Variants in FRMD6 observed in about 807,000 individuals in gnomAD.
FRMD6 encodes FERM domain containing 6.
Under a neutral mutation model 73.2 loss-of-function variants are expected in FRMD6, and 37 were observed. The ratio of observed to expected loss-of-function variants is 0.51; its 90% CI spans 0.39 to 0.66. The LOEUF is 0.66. Among genes scored for constraint, FRMD6 ranks in the 30% least tolerant of loss-of-function variants. The pLI, the probability that FRMD6 is intolerant of heterozygous loss-of-function variation, is 0.00. For synonymous variants in FRMD6, 273 were observed against 282.2 expected, an observed-to-expected ratio of 0.97 and a Z score of 0.33; for missense variants, 714 against 780.5, an observed-to-expected ratio of 0.91 and a Z score of 1.02.
At chr14:51,614,563 G>A (rs1278678237) in intron 2 of FRMD6, among the ~76,000 whole-genome samples, 2 of 152,098 alleles carry the variant, frequency 1.3e-5, no homozygotes, top group Non-Finnish European at 2.9e-5. Flanking sequence ...ATTTTTAATT[G>A]TTTTTTGTGG....
chr14:51,597,542 G>A (rs188458110), intron 2 of FRMD6, among the ~76,000 whole-genome samples: 2 of 152,188 alleles, frequency 1.3e-5, no homozygotes, highest in African/African-American at 2.4e-5. Context: ...AATGTGTAAC[G>A]AGGAAAGGCA....
chr14:51,667,376 T>C (rs1245295818), intron 1 of FRMD6, among the ~76,000 whole-genome samples: 1 of 152,128 alleles, frequency 6.6e-6, no homozygotes, highest in Non-Finnish European at 1.5e-5. Flanking sequence ...AATGAAGTAA[T>C]ATGGTATCCT....
chr14:51,397,896 T>C, the FRMD6 span, among the ~76,000 whole-genome samples: 1 of 152,220 alleles, frequency 6.6e-6, no homozygotes, highest in Non-Finnish European at 1.5e-5. Context: ...CCATCCCTGA[T>C]ATATCTCAAG....
At chr14:51,550,248 T>A (rs1886735525) in intron 1 of FRMD6, among the ~76,000 whole-genome samples, 1 of 150,580 alleles carries the variant, frequency 6.6e-6, no homozygotes, top group African/African-American at 2.4e-5. Context: ...ATTTTTTTAA[T>A]TTTTTGTTTA....
chr14:51,439,414 C>T, the FRMD6 span, among the ~76,000 whole-genome samples: 1 of 152,208 alleles, frequency 6.6e-6, no homozygotes, highest in African/African-American at 2.4e-5. Flanking sequence ...ATGCATATGT[C>T]TCAAACTCTA....
At chr14:51,480,402 T>C in the FRMD6 span, among the ~76,000 whole-genome samples, 1 of 152,216 alleles carries the variant, frequency 6.6e-6, no homozygotes, top group Admixed American at 6.5e-5. Context: ...GGAAAGAATA[T>C]GAAGAGAGGA....
chr14:51,632,179 T>C (rs1167506415), intron 2 of FRMD6, among the ~76,000 whole-genome samples: 1 of 152,178 alleles, frequency 6.6e-6, no homozygotes, highest in Non-Finnish European at 1.5e-5. Flanking sequence ...TGTGTTTGCT[T>C]CCCCTTCTGC....
intron 1 of FRMD6, among the ~76,000 whole-genome samples, chr14:51,533,366 A>G (rs1885697708): frequency 6.6e-6 from 1 of 152,210 alleles, no homozygotes; most frequent in African/African-American, 2.4e-5. Flanking sequence ...GCCTTTAAAA[A>G]AAGCTGGATA....
In FRMD6 at chr14:51,628,907, C is replaced by T. The variant is rs1160051255; in HGVS notation, c.-147+58497C>T. 1.6e-3 allele frequency among the ~76,000 whole-genome samples: 188 copies of T among 117,332 alleles called. 1 individual carries two copies. Among genetic ancestry groups the T allele is most frequent in the African/African-American group, 5.8e-3 (182 of 31,234 alleles). 77.0% of individuals were successfully genotyped at this position (117,332 alleles called of 152,430 possible). A position where few individuals can be genotyped will look rare whatever the true frequency, so the allele number is the denominator to read the frequency against. ...TTTTTTTTTTTTTGAGACGGAGTCT[C>T]GCTCCGTTTTCCAGGCTGGAGTGCA... On this transcript the variant is annotated intron_variant, in intron 2 of 14. Transcript: ENST00000356218.
the FRMD6 span, among the ~76,000 whole-genome samples, chr14:51,424,785 G>A: frequency 6.6e-6 from 1 of 152,172 alleles, no homozygotes; most frequent in Non-Finnish European, 1.5e-5. Context: ...CAAAGCTTAT[G>A]GGAAAAGAAA....
chr14:51,617,845 A>C (rs1243643530), intron 2 of FRMD6, among the ~76,000 whole-genome samples: 2 of 152,216 alleles, frequency 1.3e-5, no homozygotes, highest in Non-Finnish European at 2.9e-5. Context: ...GGATAAAATC[A>C]TCTGGTCAAT....
intron 1 of FRMD6, among the ~76,000 whole-genome samples, chr14:51,667,456 C>T (rs778546701): frequency 5.9e-5 from 9 of 152,046 alleles, no homozygotes; most frequent in Non-Finnish European, 1.3e-4. Flanking sequence ...TGTGTGGTTG[C>T]GTATGTTTTA....
At chr14:51,720,731 G>A (rs969913406) in intron 11 of FRMD6, among the ~76,000 whole-genome samples, 3 of 152,198 alleles carry the variant, frequency 2.0e-5, no homozygotes, top group Admixed American at 6.5e-5. Flanking sequence ...ACAGTGGAGT[G>A]CAGTAATAGT....
At chr14:51,482,737 G>C in the FRMD6 span, among the ~76,000 whole-genome samples, 1 of 151,990 alleles carries the variant, frequency 6.6e-6, no homozygotes, top group East Asian at 1.9e-4. Context: ...GTCTGGCACT[G>C]TCGCCTGGAC....
At chr14:51,637,147 G>A (rs2140007929) in intron 2 of FRMD6, among the ~76,000 whole-genome samples, 1 of 152,198 alleles carries the variant, frequency 6.6e-6, no homozygotes, top group Admixed American at 6.5e-5. Context: ...GCTTGAGCCT[G>A]GGAGGTCAAG....
chr14:51,523,281 C>T (rs1262737404), intron 1 of FRMD6, among the ~76,000 whole-genome samples: 1 of 151,902 alleles, frequency 6.6e-6, no homozygotes, highest in East Asian at 1.9e-4. Context: ...CTCTTCTGAA[C>T]AGAATGATTT....
intron 2 of FRMD6, among the ~76,000 whole-genome samples, chr14:51,572,417 A>T (rs1021762836): frequency 1.3e-5 from 2 of 152,260 alleles, no homozygotes; most frequent in African/African-American, 4.8e-5. Flanking sequence ...GTTATATATG[A>T]TTAGAAAATC....
chr14:51,511,744 G>A (rs919488805), intron 1 of FRMD6, among the ~76,000 whole-genome samples: 2 of 152,120 alleles, frequency 1.3e-5, no homozygotes, highest in African/African-American at 4.8e-5. Flanking sequence ...TGGACTAGGG[G>A]AGGGATAGCA....
intron 2 of FRMD6, among the ~76,000 whole-genome samples, chr14:51,590,831 A>G (rs900103801): frequency 6.6e-6 from 1 of 152,258 alleles, no homozygotes; most frequent in Non-Finnish European, 1.5e-5. Flanking sequence ...GAAGGCATCA[A>G]GCTGCCCAGA....
Sources: allele counts gnomAD v4.1 joint callset (sites outside exome capture counted in the v4.1 genomes callset), GRCh38; gene constraint gnomAD v4.1.1; transcripts MANE v1.5; gene names NCBI Gene and HGNC (gene_info 2026-07-23, HGNC 2026-07-21).